Variants in LAMA5 observed in about 807,000 individuals in gnomAD.
LAMA5 encodes laminin subunit alpha-5.
A neutral mutation model predicts 433.4 loss-of-function variants in LAMA5; 260 were observed. That is an observed-to-expected ratio of 0.60 (90% CI 0.54 to 0.66). The LOEUF is 0.66. Ranked by LOEUF, LAMA5 falls within the 30% of genes least tolerant of loss-of-function variation. LAMA5 has a pLI of 0.00. For missense variants in LAMA5, 5,378 were observed against 5,258.5 expected, an observed-to-expected ratio of 1.02 and a Z score of -0.70; for synonymous variants, 2,620 against 2,226.6, an observed-to-expected ratio of 1.18 and a Z score of -4.97.
Position 62,310,248 on chromosome 20 carries a change from G to A in LAMA5, c.10664C>T (p.Thr3555Ile), listed in dbSNP as rs768136057. ...CTGGCCCAAGTGGAAGATCAGTCCG[G>A]TGACTGCCAGGGGCCGCACCTCCAG... ...LELEVRPLAV[T>I]GLIFHLGQAR... Residue 3555 changes from threonine (T) to isoleucine (I), a missense_variant, in exon 77 of 80, where the codon ACC becomes ATC. Coordinates refer to ENST00000252999, the MANE Select transcript of LAMA5 (RefSeq NM_005560.6). The A allele has an allele frequency of 6.2e-6, 10 of 1,612,364 alleles. No individual in the cohort carries two copies. Among genetic ancestry groups the A allele is most frequent in the Non-Finnish European group, 8.5e-6 (10 of 1,179,886 alleles).
At chr20:62,356,213 C>A in intron 2 of LAMA5, 1 of 152,380 alleles carries the variant, frequency 6.6e-6, no homozygotes, top group East Asian at 1.9e-4. Flanking sequence ...GGACAGCTGT[C>A]CTCGAGGGCC....
At chr20:62,330,340 CTGCA>C in intron 31 of LAMA5, 144 bp downstream of exon 31, 2 of 1,198,684 alleles carry the variant, frequency 1.7e-6, no homozygotes, top group Non-Finnish European at 2.3e-6. Flanking sequence ...GGGCTGCGGG[CTGCA>C]AGGGCAGCTA....
intron 25 of LAMA5, 63 bp from the exon 26 acceptor site, chr20:62,333,306 G>T: frequency 1.3e-6 from 2 of 1,589,110 alleles, no homozygotes; most frequent in Non-Finnish European, 1.7e-6. Context: ...CAGCCTGAGT[G>T]GGGGAAGCCA....
In LAMA5 at chr20:62,332,605, T is replaced by C; in HGVS notation, c.3395A>G (p.Gln1132Arg). Residue 1132 changes from glutamine to arginine, a missense_variant, in exon 27 of 80, where the codon CAG (glutamine) becomes CGG (arginine). Physicochemically the swap from Gln to Arg is conservative, Grantham distance 43. Transcript: ENST00000252999. ...GAGCAGCCCCTGCTGGGGGGCCCGC[T>C]GTGGGGTGTGCACGGCCACGCCCAC... ...QEVGVAVHTPQRAPQQGLLSL... is the reference protein window; with the variant it reads ...QEVGVAVHTPRRAPQQGLLSL... 1.2e-6 allele frequency: 2 copies of C among 1,601,270 alleles called. No homozygotes were observed. Among genetic ancestry groups the C allele is most frequent in the Non-Finnish European group, 1.7e-6 (2 of 1,173,404 alleles).
At position 62,309,345 on chromosome 20, in the gene LAMA5, T is replaced by A; in HGVS notation, c.11079A>T (p.Pro3693=). 1 of 1,591,006 alleles carries A rather than the reference T, an allele frequency of 6.3e-7. No individual in the cohort carries two copies. ...VHGAVGASGC[P]AA ...CGGGGTTGGCTGTGTCCTAGGCGGC[T>A]GGGCAGCCACTGGCCCCCACTGCCC... The change falls in exon 80 of 80, where the codon CCA becomes CCT. Residue 3693 remains proline, a synonymous_variant. Coordinates refer to ENST00000252999, the MANE Select transcript of LAMA5 (RefSeq NM_005560.6).
At chr20:62,353,488 G>A (rs573714100) in intron 2 of LAMA5, among the ~76,000 whole-genome samples, 1 of 152,308 alleles carries the variant, frequency 6.6e-6, no homozygotes, top group East Asian at 1.9e-4. Flanking sequence ...CCCCGCCTGG[G>A]CTCGGGACCA....
At chr20:62,309,599 G>GGGGGGGGAGGC (rs1568884728) in intron 79 of LAMA5, 117 bp downstream of exon 79, 2 of 449,078 alleles carry the variant, frequency 4.5e-6, no homozygotes, top group Non-Finnish European at 3.9e-6. Context: ...GGGTGGTAGG[G>GGGGGGGGAGGC]GGGTGGGAGG....
chr20:62,311,937 G>A lies in LAMA5; in HGVS notation c.9618C>T (p.Phe3206=). The A allele has an allele frequency of 1.2e-6, 2 of 1,612,044 alleles. No homozygotes were observed. The highest frequency in any genetic ancestry group is 1.7e-6 in the Non-Finnish European group (2 of 1,179,582). Residue 3206 remains phenylalanine (F), a synonymous_variant, in exon 70 of 80, where the codon TTC becomes TTT. Transcript: ENST00000252999. The part of the protein sequence containing the change: ...FADGAPHYVA[F]YSNATGVWLY... ...AGGCTCACCCCGTGGCATTGCTGTA[G>A]AAGGCGACGTAATGGGGGGCACCAT...
intron 31 of LAMA5, among the ~76,000 whole-genome samples, chr20:62,330,125 C>CTCTAGGTACCGG: frequency 6.6e-6 from 1 of 152,254 alleles, no homozygotes; most frequent in East Asian, 1.9e-4. Flanking sequence ...TGCGGGACAC[C>CTCTAGGTACCGG]TCTAGGTACC....
chr20:62,329,687 G>T, intron 32 of LAMA5, 90 bp downstream of exon 32: 1 of 1,510,384 alleles, frequency 6.6e-7, no homozygotes, highest in Non-Finnish European at 9.0e-7. Context: ...AGCAGGCCCA[G>T]AAGAGACAGA....
intron 69 of LAMA5, 48 bp downstream of exon 69, chr20:62,312,125 C>A: frequency 1.9e-6 from 3 of 1,609,458 alleles, no homozygotes; most frequent in Non-Finnish European, 1.7e-6. Context: ...CCCAACTGCT[C>A]CGACGGCCAC....
chr20:62,334,701 C>A (rs1404766563), intron 20 of LAMA5, 80 bp from the exon 21 acceptor site: 5 of 1,138,440 alleles, frequency 4.4e-6, no homozygotes, highest in Non-Finnish European at 6.1e-6. Context: ...GACTGAGAAG[C>A]CTGCCTGGGG....
chr20:62,335,160 G>A (rs534007261), intron 19 of LAMA5, 34 bp from the exon 20 acceptor site: 4 of 1,612,460 alleles, frequency 2.5e-6, no homozygotes, highest in East Asian at 2.2e-5. Context: ...AGTGGGGCAG[G>A]GGAGGGTCCT....
At chr20:62,331,515 C>G (rs541629345) in intron 28 of LAMA5, among the ~76,000 whole-genome samples, 29 of 152,172 alleles carry the variant, frequency 1.9e-4, no homozygotes, top group Non-Finnish European at 3.8e-4. Flanking sequence ...TCTTCCTCCC[C>G]CTCGCCCTCC....
Position 62,309,177 on chromosome 20 carries a change from TTTA to T in LAMA5, c.*156_*158del. Reference sequence around the variant, plus strand: ...CAAATATAAAAACATTTTGCAGTATTTTATTCTTTCGTTTAAGAAGCTATAACT... The same window carrying T: ...CAAATATAAAAACATTTTGCAGTATTTTCTTTCGTTTAAGAAGCTATAACT... On this transcript the variant is annotated 3_prime_UTR_variant, in exon 80 of 80. Coordinates refer to ENST00000252999, the MANE Select transcript of LAMA5 (RefSeq NM_005560.6). 1.3e-6 allele frequency: 1 copy of T among 751,160 alleles called. No individual in the cohort carries two copies. Among genetic ancestry groups the T allele is most frequent in the East Asian group, 2.9e-5 (1 of 34,462 alleles). The allele number at this position is 751,160 out of a possible 1,614,324, so 46.5% of individuals were successfully genotyped here.
chr20:62,337,627 T>C lies in LAMA5; in HGVS notation c.2127A>G (p.Thr709=), dbSNP rs2427289. 1,436,773 of 1,611,512 alleles carry C rather than the reference T, an allele frequency of 0.89. 649,036 individuals carry two copies. The highest frequency in any genetic ancestry group is 0.95 in the East Asian group (42,678 of 44,850). Residue 709 remains threonine (T), a synonymous_variant, in exon 16 of 80, where the codon ACA becomes ACG. Coordinates refer to ENST00000252999, the MANE Select transcript of LAMA5 (RefSeq NM_005560.6). ...RPRVTGLRCD[T]CVPGAYNFPY... ...GGAAGTTGTAGGCACCGGGCACACA[T>C]GTGTCACACCGCAGCCCCGTCACAC...
At position 62,325,407 on chromosome 20, in the gene LAMA5, A is replaced by G; in HGVS notation, c.5438T>C (p.Leu1813Pro). 6.2e-7 allele frequency: 1 copy of G among 1,611,828 alleles called. No homozygotes were observed. The highest frequency in any genetic ancestry group is 8.5e-7 in the Non-Finnish European group (1 of 1,179,228). Residue 1813 changes from leucine (L) to proline (P), a missense_variant, in exon 41 of 80, where the codon CTG (leucine) becomes CCG (proline). Leu to Pro is a moderately conservative substitution (Grantham distance 98). Coordinates refer to ENST00000252999, the MANE Select transcript of LAMA5 (RefSeq NM_005560.6). ...CTGGCCTGCTGGGCTGGCCACCTCC[A>G]GTGCCACCCTGCGCAGGAAGACAGC... ...SSAVFLRRVA[L>P]EVASPAGQGA... is the part of the protein sequence containing the mutation.
rs199816369 is a variant in LAMA5 at position 62,316,997 on chromosome 20, C to T, written c.7538G>A (p.Arg2513His). The T allele has an allele frequency of 3.0e-5, 46 of 1,546,212 alleles. 1 individual carries two copies. In the East Asian group the frequency reaches 3.9e-4, roughly 13 times the overall value. Residue 2513 changes from arginine to histidine, a missense_variant, in exon 56 of 80, where the codon CGC (arginine) becomes CAC (histidine). Physicochemically the swap from Arg to His is conservative, Grantham distance 29. Coordinates refer to ENST00000252999, the MANE Select transcript of LAMA5 (RefSeq NM_005560.6). Reference protein sequence around the residue: ...SSIILDVNQDRLTQRAIEASN... With the variant: ...SSIILDVNQDHLTQRAIEASN... ...GGCCTCGATGGCCCTCTGGGTGAGG[C>T]GGTCCTGGTTGACGTCCAGGATGAT...
At position 62,346,774 on chromosome 20, in the gene LAMA5, C is replaced by A. The variant is rs767044259; in HGVS notation, c.1099G>T (p.Asp367Tyr). The A allele has an allele frequency of 1.9e-6, 3 of 1,612,400 alleles. No homozygotes were observed. The highest frequency in any genetic ancestry group is 3.3e-5 in the Admixed American group (2 of 59,904). ...TCCACCTCAGGGTCGTAGTAACAGT[C>A]GGTGGCATGGCCGTAGCAGTTACAG... ...QSCNCYGHATDCYYDPEVDRR... is the reference protein window; with the variant it reads ...QSCNCYGHATYCYYDPEVDRR... The change falls in exon 8 of 80, where the codon GAC (aspartate) becomes TAC (tyrosine). Residue 367 changes from aspartate (D) to tyrosine (Y), a missense_variant. Transcript: ENST00000252999.
Sources: allele counts gnomAD v4.1 joint callset (sites outside exome capture counted in the v4.1 genomes callset), GRCh38; gene constraint gnomAD v4.1.1; transcripts MANE v1.5; gene names NCBI Gene and HGNC (gene_info 2026-07-23, HGNC 2026-07-21).